Variants in DNM3 observed in about 807,000 individuals in gnomAD.
DNM3 encodes the protein dynamin 3.
Under a neutral mutation model 101.6 loss-of-function variants are expected in DNM3, and 47 were observed. The observed-to-expected ratio is 0.46, with a 90% CI of 0.37 to 0.59. The LOEUF (loss-of-function observed/expected upper bound fraction) is 0.59. DNM3 is among the 20% of genes least tolerant of loss of function. DNM3 has a pLI of 0.00. For synonymous variants in DNM3, 385 were observed against 387.9 expected, an observed-to-expected ratio of 0.99 and a Z score of 0.09; for missense variants, 849 against 1,085.7, an observed-to-expected ratio of 0.78 and a Z score of 3.06.
chr1:171,997,179 G>T (rs762185952), intron 4 of DNM3, among the ~76,000 whole-genome samples: 20 of 151,970 alleles, frequency 1.3e-4, no homozygotes, highest in South Asian at 4.1e-4. Context: ...TTTCTTTAAA[G>T]CAATCAGTTA....
chr1:172,272,445 T>G lies in DNM3; in HGVS notation c.1769+18763T>G, dbSNP rs139058476. On this transcript the variant is annotated intron_variant, in intron 15 of 20. Transcript: ENST00000627582. ...ATCAGTCAGTACCTCATTGTGATGTTGCCTTGGTTTATGCTAGGGCACCCA... is the reference window on the plus strand; with the variant it reads ...ATCAGTCAGTACCTCATTGTGATGTGGCCTTGGTTTATGCTAGGGCACCCA... 4.8e-3 allele frequency among the ~76,000 whole-genome samples: 729 copies of G among 152,300 alleles called. 3 individuals are homozygous for G. Among genetic ancestry groups the G allele is most frequent in the African/African-American group, 0.017 (688 of 41,580 alleles).
intron 2 of DNM3, among the ~76,000 whole-genome samples, chr1:171,942,545 ATATTTATTGGGAGCTTC>A (rs1470336372): frequency 2.0e-5 from 3 of 152,192 alleles, no homozygotes; most frequent in Admixed American, 2.0e-4. Flanking sequence ...CATTTCACAA[ATATTTATTGGGAGCTTC>A]TATGTACCAG....
At chr1:172,228,599 A>G (rs771144139) in intron 14 of DNM3, among the ~76,000 whole-genome samples, 37 of 152,094 alleles carry the variant, frequency 2.4e-4, no homozygotes, top group Non-Finnish European at 3.8e-4. Flanking sequence ...ATTTACAATC[A>G]TTTTGTCAAG....
intron 14 of DNM3, among the ~76,000 whole-genome samples, chr1:172,184,745 T>C (rs1219008887): frequency 2.6e-5 from 4 of 152,132 alleles, no homozygotes; most frequent in African/African-American, 9.6e-5. Context: ...GGACTTGATA[T>C]GTGCATTCTC....
Position 172,281,132 on chromosome 1 carries a change from T to A in DNM3, c.1769+27450T>A, listed in dbSNP as rs572287938. Among the ~76,000 whole-genome samples, 322 of 151,982 alleles carry A rather than the reference T, an allele frequency of 2.1e-3. 2 individuals are homozygous for A. Among genetic ancestry groups the A allele is most frequent in the South Asian group, 0.015 (72 of 4,804 alleles). ...AGAGAGTGTGATAGCAGAATTAAAT[T>A]GTGGGAAGTTTTAAAGCTATAGAAC... On this transcript the variant is annotated intron_variant, in intron 15 of 20. Coordinates refer to ENST00000627582, the MANE Select transcript of DNM3 (RefSeq NM_015569.5).
At chr1:172,267,141 A>C (rs1417271999) in intron 15 of DNM3, among the ~76,000 whole-genome samples, 1 of 152,216 alleles carries the variant, frequency 6.6e-6, no homozygotes, top group Non-Finnish European at 1.5e-5. Context: ...AAATAATTAA[A>C]ATGTAACAAT....
intron 19 of DNM3, 40 bp from the exon 20 acceptor site, chr1:172,388,533 A>G: frequency 6.5e-7 from 1 of 1,537,024 alleles, no homozygotes; most frequent in Non-Finnish European, 9.0e-7. Context: ...TTCAGACAGA[A>G]AGGAGGAGTG....
intron 14 of DNM3, among the ~76,000 whole-genome samples, chr1:172,145,941 T>C (rs1484181569): frequency 6.6e-6 from 1 of 152,184 alleles, no homozygotes; most frequent in African/African-American, 2.4e-5. Flanking sequence ...TTTTCAATTA[T>C]ATATACTCTT....
intron 14 of DNM3, among the ~76,000 whole-genome samples, chr1:172,173,127 A>G (rs975637925): frequency 9.2e-5 from 14 of 151,788 alleles, no homozygotes; most frequent in Non-Finnish European, 1.6e-4. Flanking sequence ...ACTTGGAGAA[A>G]GGGAAAACAT....
At chr1:172,339,416 C>A (rs555154806) in intron 17 of DNM3, among the ~76,000 whole-genome samples, 2 of 152,334 alleles carry the variant, frequency 1.3e-5, no homozygotes, top group South Asian at 4.1e-4. Flanking sequence ...TTTGCCCTTG[C>A]CCTGGCCTCA....
In DNM3 at chr1:172,409,427, G is replaced by T; in HGVS notation, c.*1586G>T. Reference sequence around the variant, plus strand: ...AGAACTTGCCATGTTGAGTGCCATTGTATTGAACTTATTCTAAAGGCTTAT... The same window carrying T: ...AGAACTTGCCATGTTGAGTGCCATTTTATTGAACTTATTCTAAAGGCTTAT... On this transcript the variant is annotated 3_prime_UTR_variant, in exon 21 of 21. Transcript: ENST00000627582. 1.0e-6 allele frequency: 1 copy of T among 984,416 alleles called. No homozygotes were observed. Among genetic ancestry groups the T allele is most frequent in the Non-Finnish European group, 1.2e-6 (1 of 829,078 alleles). The allele number at this position is 984,416 out of a possible 1,614,324, so 61.0% of individuals were successfully genotyped here. A position where few individuals can be genotyped will look rare whatever the true frequency, so the allele number is the denominator to read the frequency against.
intron 1 of DNM3, among the ~76,000 whole-genome samples, chr1:171,875,588 G>C (rs1315778890): frequency 6.6e-6 from 1 of 152,042 alleles, no homozygotes; most frequent in African/African-American, 2.4e-5. Context: ...TGAATACCTG[G>C]GTTCAAATCT....
chr1:172,418,176 C>A, intron 20 of DNM3: 2 of 905,238 alleles, frequency 2.2e-6, no homozygotes, highest in Non-Finnish European at 1.5e-6. Context: ...GCTATTTTTG[C>A]ATGCTATTAT....
chr1:172,405,796 T>C (rs978917352), intron 20 of DNM3, among the ~76,000 whole-genome samples: 2 of 151,990 alleles, frequency 1.3e-5, no homozygotes, highest in African/African-American at 2.4e-5. Flanking sequence ...GGGGGCTTAT[T>C]ATTTGGTATT....
intron 2 of DNM3, among the ~76,000 whole-genome samples, chr1:171,979,047 T>C (rs1443746862): frequency 6.6e-6 from 1 of 151,864 alleles, no homozygotes; most frequent in Non-Finnish European, 1.5e-5. Flanking sequence ...GGTAAGAAGG[T>C]CTAGAAACAA....
At chr1:172,264,267 T>C (rs1244456900) in intron 15 of DNM3, among the ~76,000 whole-genome samples, 2 of 152,186 alleles carry the variant, frequency 1.3e-5, no homozygotes, top group Non-Finnish European at 2.9e-5. Flanking sequence ...GTGACAAAAA[T>C]AAAAACATTC....
intron 2 of DNM3, among the ~76,000 whole-genome samples, chr1:171,951,339 C>T (rs1271942038): frequency 6.6e-6 from 1 of 152,134 alleles, no homozygotes; most frequent in African/African-American, 2.4e-5. Context: ...GACTTGGTGC[C>T]TACTTGGTTA....
At chr1:172,045,123 G>T (rs1191756221) in intron 9 of DNM3, among the ~76,000 whole-genome samples, 4 of 151,992 alleles carry the variant, frequency 2.6e-5, no homozygotes, top group Non-Finnish European at 5.9e-5. Flanking sequence ...ATTGGGACTG[G>T]CTTGAGGAAT....
intron 1 of DNM3, among the ~76,000 whole-genome samples, chr1:171,878,504 A>T (rs1200067125): frequency 6.6e-6 from 1 of 152,084 alleles, no homozygotes; most frequent in Admixed American, 6.5e-5. Context: ...ATGTTTCTGT[A>T]GAAGGATCTG....
Sources: gnomAD v4.1 joint callset for allele counts (sites outside exome capture counted in the v4.1 genomes callset) on GRCh38, gnomAD v4.1.1 for gene constraint, MANE v1.5 for transcripts, NCBI Gene and HGNC (gene_info 2026-07-23, HGNC 2026-07-21) for gene names.